Variants in COX10 observed in about 807,000 individuals in gnomAD.
COX10 encodes the protein cytochrome c oxidase assembly factor heme A:farnesyltransferase COX10.
COX10 carries 27 observed loss-of-function variants against 37.3 expected under a neutral mutation model. That is an observed-to-expected ratio of 0.72 (90% CI 0.53 to 1.00). The LOEUF is 1.00. COX10 is among the 50% of genes least tolerant of loss of function. The pLI, the probability that COX10 is intolerant of heterozygous loss-of-function variation, is 0.00. For synonymous variants in COX10, 222 were observed against 229.1 expected, an observed-to-expected ratio of 0.97 and a Z score of 0.28; for missense variants, 475 against 563.2, an observed-to-expected ratio of 0.84 and a Z score of 1.59.
intron 5 of COX10, among the ~76,000 whole-genome samples, chr17:14,179,599 A>G (rs1238037685): frequency 3.3e-5 from 5 of 152,252 alleles, no homozygotes; most frequent in African/African-American, 4.8e-5. Context: ...TTCTCTGGAA[A>G]GTCAGACAAA....
chr17:14,143,955 A>C (rs1904628337), intron 4 of COX10, among the ~76,000 whole-genome samples: 1 of 152,158 alleles, frequency 6.6e-6, no homozygotes, highest in South Asian at 2.1e-4. Context: ...ATACTGTGTC[A>C]CTGTAGGTTT....
intron 4 of COX10, among the ~76,000 whole-genome samples, chr17:14,119,769 G>A (rs894329299): frequency 2.0e-5 from 3 of 152,154 alleles, no homozygotes; most frequent in African/African-American, 4.8e-5. Context: ...GAGACAGAAA[G>A]GAGAGTGTTG....
chr17:14,076,111 C>CG (rs1555533120), intron 2 of COX10, among the ~76,000 whole-genome samples: 2 of 103,254 alleles, frequency 1.9e-5, no homozygotes, highest in Non-Finnish European at 3.6e-5. Context: ...TCTTTTTTGT[C>CG]TTTTTTTTTT....
intron 3 of COX10, among the ~76,000 whole-genome samples, chr17:14,082,194 A>G (rs914321816): frequency 8.5e-5 from 13 of 152,166 alleles, no homozygotes; most frequent in African/African-American, 1.2e-4. Flanking sequence ...AAGGTATATA[A>G]TGGACCCGGC....
intron 1 of COX10, 42 bp downstream of exon 1, chr17:14,069,690 C>T (rs778580082): frequency 6.2e-7 from 1 of 1,612,638 alleles, no homozygotes. Context: ...GGAAATTCTT[C>T]TCTTATTACC....
chr17:14,092,825 C>G (rs779517994), intron 3 of COX10, among the ~76,000 whole-genome samples: 13 of 152,118 alleles, frequency 8.5e-5, no homozygotes, highest in Non-Finnish European at 1.9e-4. Flanking sequence ...AGACTTAACT[C>G]CTTCCTCTGA....
chr17:14,172,528 A>AT (rs1206247978), intron 5 of COX10, among the ~76,000 whole-genome samples: 38 of 138,524 alleles, frequency 2.7e-4, no homozygotes, highest in African/African-American at 1.0e-3. Flanking sequence ...GATGTTGAGC[A>AT]TTTTCTCGTA....
chr17:14,116,097 G>A (rs192785192), intron 4 of COX10, among the ~76,000 whole-genome samples: 124 of 152,208 alleles, frequency 8.1e-4, no homozygotes, highest in Middle Eastern at 3.4e-3. Context: ...TAACAGCATA[G>A]CAGTTTTTTT....
intron 1 of COX10, among the ~76,000 whole-genome samples, chr17:14,071,634 A>G (rs1454053124): frequency 6.6e-6 from 1 of 151,948 alleles, no homozygotes; most frequent in Non-Finnish European, 1.5e-5. Flanking sequence ...CTGTAATCCC[A>G]GAACTTTGGG....
chr17:14,119,708 A>G (rs1422791575), intron 4 of COX10, among the ~76,000 whole-genome samples: 1 of 152,170 alleles, frequency 6.6e-6, no homozygotes, highest in Non-Finnish European at 1.5e-5. Flanking sequence ...CGCAAGCCCA[A>G]TGACAAGAGG....
chr17:14,100,582 G>A (rs1372080506), intron 3 of COX10, among the ~76,000 whole-genome samples: 1 of 152,144 alleles, frequency 6.6e-6, no homozygotes, highest in African/African-American at 2.4e-5. Flanking sequence ...AGAACCCAGG[G>A]ACAAGAAAGA....
intron 4 of COX10, among the ~76,000 whole-genome samples, chr17:14,149,786 A>G (rs11868899): frequency 0.021 from 3,221 of 152,248 alleles, 117 homozygotes; most frequent in African/African-American, 0.074. Flanking sequence ...GAAAGCAGGT[A>G]CAACCCTGTT....
chr17:14,159,868 T>C lies in COX10; in HGVS notation c.625-9T>C, dbSNP rs759459962. ...TAATGTTTTCTGTCTTTTTTCATTC[T>C]TTTTACAGTTTTTTGAGGTGCCATT... On this transcript the variant is annotated splice_polypyrimidine_tract_variant and intron_variant, in intron 4 of 6. Transcript: ENST00000261643. The C allele has an allele frequency of 5.0e-6, 8 of 1,605,110 alleles. No individual in the cohort carries two copies. The African/African-American group carries it at 6.7e-5, about 13-fold the overall frequency.
intron 6 of COX10, among the ~76,000 whole-genome samples, chr17:14,193,128 T>G (rs1386359864): frequency 1.3e-5 from 2 of 152,212 alleles, no homozygotes; most frequent in Non-Finnish European, 2.9e-5. Flanking sequence ...TGTGCTTGTG[T>G]GTTCTGTGAT....
chr17:14,204,625 T>C (rs1906639590), intron 6 of COX10, among the ~76,000 whole-genome samples: 1 of 152,112 alleles, frequency 6.6e-6, no homozygotes, highest in African/African-American at 2.4e-5. Flanking sequence ...GGTCCTTCCA[T>C]ACCTTCTTTA....
chr17:14,083,144 G>T (rs1915335397), intron 3 of COX10, among the ~76,000 whole-genome samples: 1 of 152,196 alleles, frequency 6.6e-6, no homozygotes, highest in Non-Finnish European at 1.5e-5. Flanking sequence ...CAGATGGAAA[G>T]GTCCCAGGGC....
chr17:14,099,292 C>T (rs1291864430), intron 3 of COX10, among the ~76,000 whole-genome samples: 1 of 152,118 alleles, frequency 6.6e-6, no homozygotes, highest in Admixed American at 6.6e-5. Context: ...GATAGTTATA[C>T]TTAAGGCACC....
intron 3 of COX10, among the ~76,000 whole-genome samples, chr17:14,079,839 ATT>A (rs869112976): frequency 1.1e-5 from 1 of 94,570 alleles, no homozygotes; most frequent in African/African-American, 4.0e-5. Flanking sequence ...AAATAGGATC[ATT>A]TTATATATAT....
At chr17:14,109,544 G>T (rs1915969291) in intron 4 of COX10, among the ~76,000 whole-genome samples, 1 of 152,170 alleles carries the variant, frequency 6.6e-6, no homozygotes, top group Admixed American at 6.6e-5. Context: ...CTGTGAGGTG[G>T]CATTATTCCA....
Sources: gnomAD v4.1 joint callset for allele counts (sites outside exome capture counted in the v4.1 genomes callset) on GRCh38, gnomAD v4.1.1 for gene constraint, MANE v1.5 for transcripts, NCBI Gene and HGNC (gene_info 2026-07-23, HGNC 2026-07-21) for gene names.